The following SP3 variants were observed in gnomAD, a reference collection of about 807,000 sequenced individuals.
The protein encoded by SP3 is transcription factor Sp3.
In SP3, 10 loss-of-function variants were observed where a neutral mutation model predicts 70.3. The ratio of observed to expected loss-of-function variants is 0.14; its 90% CI spans 0.09 to 0.24. The LOEUF (loss-of-function observed/expected upper bound fraction) is 0.24, where lower values mean the gene tolerates loss of function less well. Ranked by LOEUF, SP3 falls within the 10% of genes least tolerant of loss-of-function variation. The pLI is 1.00. For missense variants in SP3, 825 were observed against 914.6 expected, an observed-to-expected ratio of 0.90 and a Z score of 1.26; for synonymous variants, 402 against 333.5, an observed-to-expected ratio of 1.21 and a Z score of -2.24.
chr2:173,926,736 T>C (rs1689920465), intron 4 of SP3, among the ~76,000 whole-genome samples: 3 of 152,218 alleles, frequency 2.0e-5, no homozygotes, highest in African/African-American at 4.8e-5. Flanking sequence ...ATTAATTCTA[T>C]TAACTAAGTC....
At chr2:173,944,156 T>C (rs1212227780) in intron 4 of SP3, among the ~76,000 whole-genome samples, 2 of 152,186 alleles carry the variant, frequency 1.3e-5, no homozygotes, top group Non-Finnish European at 2.9e-5. Context: ...CTAACCTAGG[T>C]TGCTGGGAGA....
chr2:173,913,338 T>G, intron 5 of SP3, 72 bp from the exon 6 acceptor site: 1 of 1,101,760 alleles, frequency 9.1e-7, no homozygotes, highest in South Asian at 3.0e-5. Flanking sequence ...TTACATCATA[T>G]ATCCCCATGT....
intron 4 of SP3, among the ~76,000 whole-genome samples, chr2:173,925,936 G>C (rs569748866): frequency 9.2e-5 from 14 of 152,330 alleles, no homozygotes; most frequent in African/African-American, 3.4e-4. Context: ...CAGCAGGAAA[G>C]TGATCTGCTA....
At chr2:173,944,724 T>C (rs1690482868) in intron 4 of SP3, among the ~76,000 whole-genome samples, 1 of 152,224 alleles carries the variant, frequency 6.6e-6, no homozygotes, top group African/African-American at 2.4e-5. Context: ...ATTTGCATTA[T>C]TGTTGCTGAC....
intron 4 of SP3, among the ~76,000 whole-genome samples, chr2:173,933,798 G>A (rs1574410131): frequency 6.6e-6 from 1 of 151,624 alleles, no homozygotes; most frequent in Non-Finnish European, 1.5e-5. Flanking sequence ...AAATGATAAA[G>A]TGGTAGAGCT....
In SP3 at chr2:173,963,758, T is replaced by A; in HGVS notation, c.279+3A>T. 8.2e-7 allele frequency: 1 copy of A among 1,219,452 alleles called. No individual in the cohort carries two copies. 75.5% of individuals were successfully genotyped at this position (1,219,452 alleles called of 1,614,324 possible). On this transcript the variant is annotated splice_donor_region_variant and intron_variant, in intron 3 of 6. Coordinates refer to ENST00000310015, the MANE Select transcript of SP3 (RefSeq NM_003111.5). ...GCGGGGGCGGGCCGCGCGCGGGACT[T>A]ACCGCTCCGGCGGCGGCGGGGGCCC... is the stretch of plus-strand genomic sequence containing the variant.
chr2:173,926,750 C>T (rs1689921358), intron 4 of SP3, among the ~76,000 whole-genome samples: 1 of 152,054 alleles, frequency 6.6e-6, no homozygotes, highest in South Asian at 2.1e-4. Flanking sequence ...CTAAGTCATT[C>T]CAATTGCATA....
chr2:173,954,744 A>G (rs568270501), intron 4 of SP3, 129 bp downstream of exon 4: 15 of 847,504 alleles, frequency 1.8e-5, no homozygotes, highest in African/African-American at 1.0e-4. Context: ...TCATACAAAC[A>G]TATTTTCATA....
intron 5 of SP3, among the ~76,000 whole-genome samples, chr2:173,917,349 T>TA (rs1689640114): frequency 6.6e-6 from 1 of 152,000 alleles, no homozygotes; most frequent in Admixed American, 6.6e-5. Context: ...CATGAATACC[T>TA]AAGGATCAGA....
intron 3 of SP3, among the ~76,000 whole-genome samples, chr2:173,957,250 C>T (rs1690924287): frequency 2.0e-5 from 3 of 152,126 alleles, no homozygotes; most frequent in Admixed American, 6.5e-5. Flanking sequence ...GAAATACACA[C>T]GTGAGTAAAC....
chr2:173,956,157 T>C lies in SP3; in HGVS notation c.355A>G (p.Ile119Val), dbSNP rs1399356931. The change falls in exon 4 of 7, where the codon ATA (isoleucine) becomes GTA (valine). Residue 119 changes from isoleucine to valine, a missense_variant. Transcript: ENST00000310015. ...ACTAGATTACCAGCTTCATCTTTTA[T>C]AGTTGTAGGTGTGGCTGACAAAACC... ...WEVLSATPTTIKDEAGNLVQI... is the reference protein window; with the variant it reads ...WEVLSATPTTVKDEAGNLVQI... 9 of 1,614,172 alleles carry C rather than the reference T, an allele frequency of 5.6e-6. No homozygotes were observed. Among genetic ancestry groups the C allele is most frequent in the Middle Eastern group, 1.7e-4 (1 of 6,060 alleles).
At chr2:173,947,882 T>C (rs1198773227) in intron 4 of SP3, among the ~76,000 whole-genome samples, 1 of 152,340 alleles carries the variant, frequency 6.6e-6, no homozygotes. Flanking sequence ...ATACTGGCTA[T>C]ATCACAAATC....
chr2:173,918,124 TA>T (rs200185699), intron 5 of SP3, among the ~76,000 whole-genome samples: 1 of 152,090 alleles, frequency 6.6e-6, no homozygotes, highest in Non-Finnish European at 1.5e-5. Flanking sequence ...TGTTTACCTT[TA>T]AAAAGACTGA....
At chr2:173,959,801 C>G (rs1312447456) in intron 3 of SP3, among the ~76,000 whole-genome samples, 1 of 152,152 alleles carries the variant, frequency 6.6e-6, no homozygotes. Flanking sequence ...GCAACCAAGA[C>G]GAGAACTAGT....
chr2:173,903,365 TG>T lies in SP3; in HGVS notation c.*6575del, dbSNP rs1008814911. ...GGTAAAGAGTGAAAGGTCACATAGG[TG>T]GTAAGCGGCAGAACTGGGAGACAAG... On this transcript the variant is annotated 3_prime_UTR_variant, in exon 7 of 7. Coordinates refer to ENST00000310015, the MANE Select transcript of SP3 (RefSeq NM_003111.5). 1.3e-5 allele frequency among the ~76,000 whole-genome samples: 2 copies of T among 152,112 alleles called. No individual in the cohort carries two copies. Among genetic ancestry groups the T allele is most frequent in the African/African-American group, 4.8e-5 (2 of 41,408 alleles).
chr2:173,932,052 T>G (rs188402336), intron 4 of SP3, among the ~76,000 whole-genome samples: 10 of 152,352 alleles, frequency 6.6e-5, no homozygotes, highest in Non-Finnish European at 1.2e-4. Context: ...GAGGCCCAGC[T>G]TCTGGTCTAT....
chr2:173,924,381 G>A (rs1488644423), intron 4 of SP3, among the ~76,000 whole-genome samples: 1 of 152,114 alleles, frequency 6.6e-6, no homozygotes, highest in Middle Eastern at 3.2e-3. Context: ...AAGATGATGT[G>A]ACCTGTAATT....
chr2:173,959,593 T>G (rs753533572), intron 3 of SP3, among the ~76,000 whole-genome samples: 2 of 151,744 alleles, frequency 1.3e-5, no homozygotes, highest in Non-Finnish European at 2.9e-5. Flanking sequence ...GGGCATGGTG[T>G]ACATCTGTAG....
chr2:173,937,233 A>G (rs927127752), intron 4 of SP3, among the ~76,000 whole-genome samples: 13 of 152,230 alleles, frequency 8.5e-5, no homozygotes, highest in African/African-American at 3.1e-4. Flanking sequence ...AAAGCAGCAA[A>G]GACATTTATT....
Sources: gnomAD v4.1 joint callset for allele counts (sites outside exome capture counted in the v4.1 genomes callset) on GRCh38, gnomAD v4.1.1 for gene constraint, MANE v1.5 for transcripts, NCBI Gene and HGNC (gene_info 2026-07-23, HGNC 2026-07-21) for gene names.